CAPN7: variants seen among roughly 807,000 people sequenced by gnomAD.
CAPN7 encodes calpain 7, also known as calpain-7.
A neutral mutation model predicts 115.2 loss-of-function variants in CAPN7; 72 were observed. The observed-to-expected ratio is 0.63, with a 90% CI of 0.52 to 0.76. The LOEUF (loss-of-function observed/expected upper bound fraction) is 0.76, where lower values mean the gene tolerates loss of function less well. Ranked by LOEUF, CAPN7 falls within the 30% of genes least tolerant of loss-of-function variation. The pLI is 0.00. For missense variants in CAPN7, 905 were observed against 971.5 expected (o/e 0.93, Z 0.91); for synonymous variants, 344 against 322.3 (o/e 1.07, Z -0.72).
At chr3:15,250,171 C>T (rs558963668) in intron 19 of CAPN7, among the ~76,000 whole-genome samples, 102 of 150,712 alleles carry the variant, frequency 6.8e-4, no homozygotes, top group African/African-American at 2.4e-3. Flanking sequence ...CCAGAAGTTC[C>T]AGACCAGCCT....
intron 19 of CAPN7, among the ~76,000 whole-genome samples, chr3:15,250,635 G>A (rs1413032154): frequency 6.6e-6 from 1 of 152,136 alleles, no homozygotes; most frequent in Non-Finnish European, 1.5e-5. Context: ...TCGTGCCTCT[G>A]CACTCTAACC....
At chr3:15,230,665 T>C (rs1202556245) in intron 9 of CAPN7, 130 bp downstream of exon 9, 1 of 561,278 alleles carries the variant, frequency 1.8e-6, no homozygotes, top group Admixed American at 3.0e-5. Context: ...ATATTATATA[T>C]TACTACCAGT....
At chr3:15,228,824 AC>A (rs956932597) in intron 7 of CAPN7, 149 bp from the exon 8 acceptor site, 1 of 594,062 alleles carries the variant, frequency 1.7e-6, no homozygotes, top group African/African-American at 1.9e-5. Context: ...CACCTATGTT[AC>A]CTTCCACATG....
chr3:15,242,126 A>C, intron 15 of CAPN7, 52 bp from the exon 16 acceptor site: 3 of 1,152,532 alleles, frequency 2.6e-6, no homozygotes, highest in Non-Finnish European at 3.8e-6. Flanking sequence ...AAAGAAAATA[A>C]ATAGCATTTT....
At position 15,229,070 on chromosome 3, in the gene CAPN7, G is replaced by C. The variant is rs1287590285; in HGVS notation, c.938+11G>C. The C allele has an allele frequency of 2.3e-5, 36 of 1,587,366 alleles. No individual in the cohort carries two copies. Among genetic ancestry groups the C allele is most frequent in the Non-Finnish European group, 2.8e-5 (32 of 1,156,522 alleles). On this transcript the variant is annotated intron_variant, in intron 8 of 20. Transcript: ENST00000253693. ...GAAGTTAATTACCGGGTAAAAATGT[G>C]TCTCTCTTTACCTCTTTTTGTGTAA...
chr3:15,225,843 A>C (rs1284321101), intron 6 of CAPN7, among the ~76,000 whole-genome samples: 1 of 152,192 alleles, frequency 6.6e-6, no homozygotes, highest in African/African-American at 2.4e-5. Flanking sequence ...TTACTATTCT[A>C]AGTGGCACGG....
intron 9 of CAPN7, among the ~76,000 whole-genome samples, chr3:15,231,093 C>T (rs1351168796): frequency 2.0e-5 from 3 of 152,184 alleles, no homozygotes; most frequent in African/African-American, 4.8e-5. Flanking sequence ...GTTAGTTTTG[C>T]AGAATTTCAG....
chr3:15,236,840 T>G (rs1695021138), intron 12 of CAPN7, among the ~76,000 whole-genome samples: 1 of 152,254 alleles, frequency 6.6e-6, no homozygotes, highest in South Asian at 2.1e-4. Context: ...ATAGGGCACT[T>G]ACATGGTTGG....
chr3:15,235,711 A>G (rs1365401854), intron 12 of CAPN7, among the ~76,000 whole-genome samples: 1 of 151,714 alleles, frequency 6.6e-6, no homozygotes, highest in East Asian at 1.9e-4. Context: ...CTGATCTGAC[A>G]GGGGGCAGAG....
At chr3:15,227,465 A>G (rs1694388420) in intron 6 of CAPN7, among the ~76,000 whole-genome samples, 1 of 152,202 alleles carries the variant, frequency 6.6e-6, no homozygotes, top group South Asian at 2.1e-4. Context: ...TGGAGTTTGT[A>G]AAAAACCAGC....
chr3:15,229,151 G>T (rs541145791), intron 8 of CAPN7, 92 bp downstream of exon 8: 7 of 839,786 alleles, frequency 8.3e-6, no homozygotes, highest in Non-Finnish European at 1.4e-5. Context: ...AAAGTGGAGA[G>T]GGCATATCAT....
At chr3:15,240,681 C>CA (rs1375881439) in intron 13 of CAPN7, 64 bp downstream of exon 13, 2 of 1,537,212 alleles carry the variant, frequency 1.3e-6, no homozygotes, top group Non-Finnish European at 1.8e-6. Context: ...TTTAACAAGA[C>CA]AAAACATGTG....
intron 1 of CAPN7, among the ~76,000 whole-genome samples, chr3:15,210,095 G>T (rs909946303): frequency 6.6e-6 from 1 of 151,968 alleles, no homozygotes; most frequent in African/African-American, 2.4e-5. Flanking sequence ...CAAACTCCTG[G>T]GCTAAAACAA....
At chr3:15,220,276 A>C (rs1471648804) in intron 4 of CAPN7, among the ~76,000 whole-genome samples, 1 of 152,184 alleles carries the variant, frequency 6.6e-6, no homozygotes, top group Non-Finnish European at 1.5e-5. Context: ...ACGTTTGTAC[A>C]TGTTCTTCTG....
intron 19 of CAPN7, among the ~76,000 whole-genome samples, chr3:15,248,641 G>T (rs1293456870): frequency 6.6e-6 from 1 of 152,160 alleles, no homozygotes; most frequent in African/African-American, 2.4e-5. Flanking sequence ...AAATGATTAA[G>T]TTGTATATAT....
At chr3:15,213,079 G>GT (rs2045045423) in intron 2 of CAPN7, among the ~76,000 whole-genome samples, 1 of 152,182 alleles carries the variant, frequency 6.6e-6, no homozygotes, top group African/African-American at 2.4e-5. Context: ...TACTGCCTGT[G>GT]TTATTGGAAC....
At chr3:15,232,153 A>T (rs1018554847) in intron 9 of CAPN7, 4 of 406,308 alleles carry the variant, frequency 9.8e-6, no homozygotes, top group Non-Finnish European at 1.9e-5. Context: ...AATCCAAAAC[A>T]CTCCAGTAAG....
chr3:15,208,210 CTTTT>C (rs537018111), intron 1 of CAPN7, among the ~76,000 whole-genome samples: 1 of 124,334 alleles, frequency 8.0e-6, no homozygotes, highest in African/African-American at 3.0e-5. Context: ...TGTGTATATG[CTTTT>C]TTTTTTTTTT....
intron 2 of CAPN7, among the ~76,000 whole-genome samples, chr3:15,216,582 G>A (rs182508636): frequency 6.7e-4 from 102 of 152,134 alleles, no homozygotes; most frequent in African/African-American, 2.3e-3. Context: ...ATTTCAAAGA[G>A]CAATGAAAAT....
Sources: gnomAD v4.1 joint callset for allele counts (sites outside exome capture counted in the v4.1 genomes callset) on GRCh38, gnomAD v4.1.1 for gene constraint, MANE v1.5 for transcripts, NCBI Gene and HGNC (gene_info 2026-07-23, HGNC 2026-07-21) for gene names.